The following CNTN5 variants were observed in gnomAD, a reference collection of about 807,000 sequenced individuals.
CNTN5 encodes the protein contactin 5.
CNTN5 carries 77 observed loss-of-function variants against 129.1 expected under a neutral mutation model. The ratio of observed to expected loss-of-function variants is 0.60; its 90% CI spans 0.50 to 0.72. The LOEUF (loss-of-function observed/expected upper bound fraction) is 0.72. Ranked by LOEUF, CNTN5 falls within the 30% of genes least tolerant of loss-of-function variation. CNTN5 has a pLI of 0.00. For synonymous variants in CNTN5, 509 were observed against 465.6 expected (o/e 1.09, Z -1.20); for missense variants, 1,478 against 1,328.8 (o/e 1.11, Z -1.75).
chr11:100,284,642 C>T (rs112107903), intron 18 of CNTN5, among the ~76,000 whole-genome samples: 2,478 of 152,170 alleles, frequency 0.016, 70 homozygotes, highest in African/African-American at 0.057. Context: ...ATATTCTATA[C>T]GTTACATGTT....
chr11:99,041,696 A>G (rs567232677), intron 1 of CNTN5, among the ~76,000 whole-genome samples: 1 of 152,196 alleles, frequency 6.6e-6, no homozygotes, highest in African/African-American at 2.4e-5. Flanking sequence ...AGCATGCCCC[A>G]ATCTTTTAGT....
At chr11:100,204,297 A>AATATATATAT (rs10633078) in intron 15 of CNTN5, among the ~76,000 whole-genome samples, 75 of 17,598 alleles carry the variant, frequency 4.3e-3, no homozygotes, top group Middle Eastern at 0.038. Flanking sequence ...AACATTGACT[A>AATATATATAT]ATATATATAT....
At chr11:99,381,424 G>A (rs1467936110) in intron 2 of CNTN5, among the ~76,000 whole-genome samples, 1 of 152,140 alleles carries the variant, frequency 6.6e-6, no homozygotes, top group Non-Finnish European at 1.5e-5. Context: ...CTTATTTTAG[G>A]ATGTAATAGT....
At chr11:99,293,007 TTG>T (rs1294537081) in intron 1 of CNTN5, among the ~76,000 whole-genome samples, 4 of 152,184 alleles carry the variant, frequency 2.6e-5, no homozygotes, top group Non-Finnish European at 5.9e-5. Context: ...TTAATTTCTA[TTG>T]TTCATAGTGG....
At chr11:100,073,413 G>A (rs1944005762) in intron 12 of CNTN5, among the ~76,000 whole-genome samples, 1 of 151,756 alleles carries the variant, frequency 6.6e-6, no homozygotes, top group Admixed American at 6.6e-5. Flanking sequence ...TCAATGTTGT[G>A]ACATGCATTA....
At chr11:99,435,783 C>T (rs985055567) in intron 2 of CNTN5, among the ~76,000 whole-genome samples, 8 of 152,226 alleles carry the variant, frequency 5.3e-5, no homozygotes, top group African/African-American at 1.7e-4. Flanking sequence ...ATTGGAGAAT[C>T]GTATACATAG....
At chr11:99,853,771 C>A (rs1017313949) in intron 6 of CNTN5, among the ~76,000 whole-genome samples, 2 of 152,010 alleles carry the variant, frequency 1.3e-5, no homozygotes, top group African/African-American at 2.4e-5. Context: ...TGCACCACCA[C>A]CCCCTTTAAT....
intron 18 of CNTN5, among the ~76,000 whole-genome samples, chr11:100,287,381 G>A (rs1296027743): frequency 1.3e-5 from 2 of 150,746 alleles, no homozygotes; most frequent in African/African-American, 2.4e-5. Flanking sequence ...CCCTCAAAGG[G>A]AAGCCCATCA....
intron 1 of CNTN5, among the ~76,000 whole-genome samples, chr11:99,073,808 C>G (rs1214057846): frequency 6.6e-6 from 1 of 151,912 alleles, no homozygotes; most frequent in African/African-American, 2.4e-5. Flanking sequence ...CAAGTCTTTG[C>G]TATTGTAAAT....
intron 7 of CNTN5, among the ~76,000 whole-genome samples, chr11:99,943,671 T>C (rs1950493244): frequency 6.6e-6 from 1 of 152,072 alleles, no homozygotes; most frequent in Admixed American, 6.6e-5. Context: ...TTTAAGGTTT[T>C]ATGTTTAAGT....
chr11:99,523,689 C>T (rs79511444), intron 2 of CNTN5, among the ~76,000 whole-genome samples: 1,783 of 71,654 alleles, frequency 0.025, 43 homozygotes, highest in East Asian at 0.16. Flanking sequence ...CAGAACAGAA[C>T]AGAACAGAAT....
At chr11:99,723,014 C>G (rs901825586) in intron 3 of CNTN5, among the ~76,000 whole-genome samples, 2 of 151,646 alleles carry the variant, frequency 1.3e-5, no homozygotes, top group Non-Finnish European at 1.5e-5. Flanking sequence ...TTTTTCAGCT[C>G]ATGCACTCTA....
Position 99,451,161 on chromosome 11 carries a change from G to A in CNTN5, c.-70-104984G>A, listed in dbSNP as rs529929212. 1.3e-4 allele frequency among the ~76,000 whole-genome samples: 20 copies of A among 152,166 alleles called. No homozygotes were observed. In the South Asian group the frequency reaches 3.9e-3, roughly 30 times the overall value. On this transcript the variant is annotated intron_variant, in intron 2 of 24. Transcript: ENST00000524871. ...CTGAGATTATAGCTTAAAGTCAAGA[G>A]AAAGGATGGAAAATTTTAAAATTAG...
At chr11:99,299,522 G>C (rs1056486566) in intron 1 of CNTN5, among the ~76,000 whole-genome samples, 3 of 152,052 alleles carry the variant, frequency 2.0e-5, no homozygotes, top group African/African-American at 7.2e-5. Flanking sequence ...ACCAAAAAAA[G>C]GAAGTAAAGA....
intron 2 of CNTN5, among the ~76,000 whole-genome samples, chr11:99,354,553 A>G (rs1458864486): frequency 6.6e-6 from 1 of 152,202 alleles, no homozygotes; most frequent in Non-Finnish European, 1.5e-5. Context: ...AATAATAAAA[A>G]GCAAAGGGGA....
At chr11:99,417,450 G>C (rs917017462) in intron 2 of CNTN5, among the ~76,000 whole-genome samples, 1 of 152,076 alleles carries the variant, frequency 6.6e-6, no homozygotes, top group Non-Finnish European at 1.5e-5. Flanking sequence ...ACAATGTACC[G>C]TCAACTTGGT....
intron 1 of CNTN5, among the ~76,000 whole-genome samples, chr11:99,236,621 T>C (rs997152773): frequency 6.6e-6 from 1 of 152,116 alleles, no homozygotes; most frequent in African/African-American, 2.4e-5. Flanking sequence ...ATGCAGATAG[T>C]TATAATATTT....
intron 3 of CNTN5, among the ~76,000 whole-genome samples, chr11:99,711,605 A>G (rs1266206247): frequency 1.3e-5 from 2 of 151,716 alleles, no homozygotes; most frequent in Non-Finnish European, 2.9e-5. Context: ...CACGTTAGGT[A>G]TTTCTCCTAA....
intron 3 of CNTN5, among the ~76,000 whole-genome samples, chr11:99,568,601 A>G (rs144865221): frequency 7.4e-4 from 112 of 152,334 alleles, no homozygotes; most frequent in African/African-American, 2.5e-3. Flanking sequence ...ACATTCATTG[A>G]GCACTCAAGC....
Sources: gnomAD v4.1 joint callset for allele counts (sites outside exome capture counted in the v4.1 genomes callset) on GRCh38, gnomAD v4.1.1 for gene constraint, MANE v1.5 for transcripts, NCBI Gene and HGNC (gene_info 2026-07-23, HGNC 2026-07-21) for gene names.